Variants in BAALC observed in about 807,000 individuals in gnomAD.
The protein encoded by BAALC is BAALC binder of MAP3K1 and KLF4, also known as brain and acute leukemia cytoplasmic protein.
BAALC carries 9 observed loss-of-function variants against 15.5 expected under a neutral mutation model. The ratio of observed to expected loss-of-function variants is 0.58; its 90% CI spans 0.35 to 1.02. BAALC has a LOEUF of 1.02. BAALC is among the 50% of genes least tolerant of loss of function. The pLI, the probability that BAALC is intolerant of heterozygous loss-of-function variation, is 0.02. For synonymous variants in BAALC, 80 were observed against 74.6 expected, an observed-to-expected ratio of 1.07 and a Z score of -0.37; for missense variants, 201 against 192.4, an observed-to-expected ratio of 1.04 and a Z score of -0.27.
At chr8:103,208,392 T>C (rs1336633959) in intron 1 of BAALC, 1 of 152,224 alleles carries the variant, frequency 6.6e-6, no homozygotes, top group Non-Finnish European at 1.5e-5. Context: ...ATTTTTAAAC[T>C]GTGTTTCTAG....
intron 1 of BAALC, among the ~76,000 whole-genome samples, chr8:103,204,385 A>T (rs1043836667): frequency 2.0e-5 from 3 of 152,112 alleles, no homozygotes; most frequent in Non-Finnish European, 2.9e-5. Flanking sequence ...CACTTTCTTC[A>T]TGGTGTCCTT....
chr8:103,157,435 T>A (rs1301408645), intron 1 of BAALC, among the ~76,000 whole-genome samples: 1 of 152,150 alleles, frequency 6.6e-6, no homozygotes, highest in African/African-American at 2.4e-5. Flanking sequence ...ATTGGGTAAT[T>A]TTGAAGCAAA....
At chr8:103,181,054 G>A (rs1312911949) in intron 1 of BAALC, among the ~76,000 whole-genome samples, 1 of 151,492 alleles carries the variant, frequency 6.6e-6, no homozygotes, top group Non-Finnish European at 1.5e-5. Context: ...AGGTTTTGAG[G>A]CCTTTCAGAA....
rs138967321 is a variant in BAALC, at chr8:103,204,037, C to G, written c.161-8882C>G. ...CAGCTGTACCATTTAGTCTTCCCAC[C>G]AGCAGTGTATGAGATTTCCAAATTC... On this transcript the variant is annotated intron_variant, in intron 1 of 2. Transcript: ENST00000309982. 9.5e-4 allele frequency among the ~76,000 whole-genome samples: 144 copies of G among 152,294 alleles called. No individual in the cohort carries two copies. In the East Asian group the frequency reaches 0.01, roughly 11 times the overall value.
At position 103,154,246 on chromosome 8, in the gene BAALC, G is replaced by A. The variant is rs186005037; in HGVS notation, c.160+13189G>A. Among the ~76,000 whole-genome samples the A allele has an allele frequency of 2.2e-4, 34 of 152,220 alleles. No individual in the cohort carries two copies. In the East Asian group the frequency reaches 5.6e-3, roughly 25 times the overall value. ...TTTTACAGAAGGGGGTAGTCAGAGC[G>A]GTGGGATGGCTTGTCTAAATGTACA... On this transcript the variant is annotated intron_variant, in intron 1 of 2. Coordinates refer to ENST00000309982, the MANE Select transcript of BAALC (RefSeq NM_024812.3).
intron 1 of BAALC, among the ~76,000 whole-genome samples, chr8:103,207,004 C>T (rs1009122628): frequency 6.6e-6 from 1 of 152,144 alleles, no homozygotes; most frequent in African/African-American, 2.4e-5. Context: ...AAGGCTTCTC[C>T]TGGTAAGGGG....
chr8:103,192,154 C>A (rs1012563076), intron 1 of BAALC, among the ~76,000 whole-genome samples: 3 of 152,178 alleles, frequency 2.0e-5, no homozygotes, highest in Non-Finnish European at 4.4e-5. Context: ...CGGGTTCAAG[C>A]GATTCTCCTG....
At chr8:103,206,168 T>A (rs1812324508) in intron 1 of BAALC, among the ~76,000 whole-genome samples, 1 of 152,210 alleles carries the variant, frequency 6.6e-6, no homozygotes, top group African/African-American at 2.4e-5. Context: ...ACCTCCAGCC[T>A]TCCCAGAAAC....
chr8:103,160,752 T>C (rs1406303310), intron 1 of BAALC, among the ~76,000 whole-genome samples: 2 of 151,954 alleles, frequency 1.3e-5, no homozygotes, highest in Admixed American at 6.6e-5. Context: ...AACAAAGAAT[T>C]TGGAGTCTGA....
intron 1 of BAALC, chr8:103,203,013 C>T (rs1812253246): frequency 6.6e-6 from 1 of 152,380 alleles, no homozygotes; most frequent in Non-Finnish European, 1.5e-5. Context: ...TCTGTTGTCT[C>T]CTGGGCATCT....
At chr8:103,166,121 G>A (rs909035996) in intron 1 of BAALC, 9 of 152,612 alleles carry the variant, frequency 5.9e-5, no homozygotes, top group African/African-American at 2.2e-4. Context: ...CGCAGGATGA[G>A]GACATGTCCT....
intron 1 of BAALC, among the ~76,000 whole-genome samples, chr8:103,192,533 TAGTC>T (rs138500834): frequency 0.054 from 8,151 of 152,320 alleles, 239 homozygotes; most frequent in South Asian, 0.11. Context: ...TCTTTCTAAA[TAGTC>T]AGTTGCATTT....
chr8:103,206,620 T>G (rs1812338664), intron 1 of BAALC, among the ~76,000 whole-genome samples: 1 of 151,704 alleles, frequency 6.6e-6, no homozygotes, highest in African/African-American at 2.4e-5. Context: ...CAGACCAGGG[T>G]AGAGAGAAGG....
chr8:103,162,036 C>A (rs1811238321), intron 1 of BAALC, among the ~76,000 whole-genome samples: 1 of 152,150 alleles, frequency 6.6e-6, no homozygotes, highest in Non-Finnish European at 1.5e-5. Context: ...TCAAGGTTCA[C>A]TGCAGCCTTG....
At chr8:103,212,254 G>A (rs1049601209) in intron 1 of BAALC, among the ~76,000 whole-genome samples, 3 of 152,070 alleles carry the variant, frequency 2.0e-5, no homozygotes, top group African/African-American at 7.2e-5. Context: ...AGACCAGCCT[G>A]GGCAACATAG....
intron 2 of BAALC, among the ~76,000 whole-genome samples, chr8:103,222,338 G>A (rs1456268994): frequency 6.6e-6 from 1 of 152,158 alleles, no homozygotes; most frequent in Non-Finnish European, 1.5e-5. Context: ...ACTCTGTGGG[G>A]CAATTTCAAG....
chr8:103,155,516 A>G (rs1246071758), intron 1 of BAALC, among the ~76,000 whole-genome samples: 1 of 152,186 alleles, frequency 6.6e-6, no homozygotes, highest in African/African-American at 2.4e-5. Context: ...CGCTGGATGC[A>G]GTCTTCCCCT....
At chr8:103,184,348 G>T (rs1811789075) in intron 1 of BAALC, among the ~76,000 whole-genome samples, 3 of 152,168 alleles carry the variant, frequency 2.0e-5, no homozygotes, top group Admixed American at 2.0e-4. Flanking sequence ...TGGGACCGAG[G>T]GTTATTCTGC....
At chr8:103,205,707 C>A (rs1459809692) in intron 1 of BAALC, among the ~76,000 whole-genome samples, 1 of 152,170 alleles carries the variant, frequency 6.6e-6, no homozygotes, top group Admixed American at 6.5e-5. Flanking sequence ...ATGTAGAGAT[C>A]TGCATTTTAA....
Sources: allele counts gnomAD v4.1 joint callset (sites outside exome capture counted in the v4.1 genomes callset), GRCh38; gene constraint gnomAD v4.1.1; transcripts MANE v1.5; gene names NCBI Gene and HGNC (gene_info 2026-07-23, HGNC 2026-07-21).